The following NRG3 variants were observed in gnomAD, a reference collection of about 807,000 sequenced individuals.
NRG3 encodes pro-neuregulin-3, membrane-bound isoform.
In NRG3, 31 loss-of-function variants were observed where a neutral mutation model predicts 66.9. That is an observed-to-expected ratio of 0.46 (90% CI 0.35 to 0.63). NRG3 has a LOEUF of 0.63. Ranked by LOEUF, NRG3 falls within the 20% of genes least tolerant of loss-of-function variation. The pLI is 0.00. For missense variants in NRG3, 910 were observed against 878.9 expected (o/e 1.04, Z -0.45); for synonymous variants, 393 against 359.4 (o/e 1.09, Z -1.06).
At chr10:82,984,731 CA>C (rs1853277691) in intron 8 of NRG3, 1 of 1,543,930 alleles carries the variant, frequency 6.5e-7, no homozygotes, top group Non-Finnish European at 8.8e-7. Flanking sequence ...CTGTTTGTCA[CA>C]ATGGAAAGGC....
chr10:82,615,003 C>A (rs2048550054), intron 2 of NRG3, among the ~76,000 whole-genome samples: 1 of 151,976 alleles, frequency 6.6e-6, no homozygotes, highest in African/African-American at 2.4e-5. Context: ...CGGGTGGTAT[C>A]CATTGTTTGA....
In NRG3 at chr10:82,003,988, A is replaced by C. The variant is rs868720818; in HGVS notation, c.823+127825A>C. On this transcript the variant is annotated intron_variant, in intron 1 of 8. Coordinates refer to ENST00000372141, the MANE Select transcript of NRG3 (RefSeq NM_001010848.4). ...GGTGCTGTAAGGATACCTGACTGAA[A>C]ACACACACACACACACACACACACA... is the stretch of plus-strand genomic sequence containing the variant. Among the ~76,000 whole-genome samples the C allele has an allele frequency of 1.3e-3, 173 of 134,420 alleles. 1 individual carries two copies. Among genetic ancestry groups the C allele is most frequent in the African/African-American group, 4.5e-3 (159 of 35,486 alleles). The allele number at this position is 134,420 out of a possible 152,430, so 88.2% of individuals were successfully genotyped here.
At chr10:82,396,240 TC>T (rs974716795) in intron 2 of NRG3, among the ~76,000 whole-genome samples, 2 of 152,180 alleles carry the variant, frequency 1.3e-5, no homozygotes, top group African/African-American at 4.8e-5. Context: ...ACATTTTTTT[TC>T]ATCCTTCTTG....
In NRG3 at chr10:82,738,599, G is replaced by A. The variant is rs1367484590; in HGVS notation, c.976G>A (p.Val326Ile). 1.2e-6 allele frequency: 2 copies of A among 1,614,136 alleles called. No homozygotes were observed. The highest frequency in any genetic ancestry group is 1.1e-5 in the South Asian group (1 of 91,080). Residue 326 changes from valine to isoleucine, a missense_variant, in exon 3 of 9, where the codon GTC becomes ATC. Transcript: ENST00000372141. ...CAGGTGCAAAGAAGGCTACCAAGGA[G>A]TCCGTTGTGATCAATTTCTGCCGAA... ...HCRCKEGYQGVRCDQFLPKTD... is the reference protein window; with the variant it reads ...HCRCKEGYQGIRCDQFLPKTD...
intron 4 of NRG3, among the ~76,000 whole-genome samples, chr10:82,873,987 A>G (rs985106582): frequency 1.3e-5 from 2 of 151,992 alleles, no homozygotes; most frequent in Non-Finnish European, 2.9e-5. Flanking sequence ...TTATAAGATA[A>G]TCTTTGTATT....
At chr10:82,419,355 A>C (rs1204980486) in intron 2 of NRG3, among the ~76,000 whole-genome samples, 1 of 152,194 alleles carries the variant, frequency 6.6e-6, no homozygotes, top group South Asian at 2.1e-4. Context: ...TTTCAAATGC[A>C]AGGTCTTGCT....
chr10:82,489,524 A>G (rs975350303), intron 2 of NRG3, among the ~76,000 whole-genome samples: 4 of 152,170 alleles, frequency 2.6e-5, no homozygotes, highest in African/African-American at 4.8e-5. Context: ...GAGGGAAGCA[A>G]TAACCTAAGC....
intron 2 of NRG3, among the ~76,000 whole-genome samples, chr10:82,455,228 C>T (rs1354717008): frequency 5.3e-5 from 8 of 152,122 alleles, no homozygotes; most frequent in South Asian, 2.1e-4. Context: ...TTCTTAGTAA[C>T]GCATCATTAA....
chr10:82,593,349 C>T (rs2047089950), intron 2 of NRG3, among the ~76,000 whole-genome samples: 1 of 152,138 alleles, frequency 6.6e-6, no homozygotes, highest in South Asian at 2.1e-4. Context: ...GCAGTTAATA[C>T]CAACAAACAA....
intron 1 of NRG3, among the ~76,000 whole-genome samples, chr10:82,310,653 A>AT (rs530021189): frequency 9.3e-5 from 14 of 151,156 alleles, no homozygotes; most frequent in South Asian, 6.3e-4. Flanking sequence ...TCTTCCAATC[A>AT]TTTTTTTTTC....
At chr10:82,699,725 C>A (rs1445831504) in intron 2 of NRG3, among the ~76,000 whole-genome samples, 1 of 152,024 alleles carries the variant, frequency 6.6e-6, no homozygotes, top group Non-Finnish European at 1.5e-5. Flanking sequence ...TTTATATTTG[C>A]CTTCTCTCCC....
At chr10:82,024,232 C>G (rs1168471600) in intron 1 of NRG3, among the ~76,000 whole-genome samples, 1 of 151,650 alleles carries the variant, frequency 6.6e-6, no homozygotes, top group Non-Finnish European at 1.5e-5. Context: ...TGAATTGAGT[C>G]TTGTTTTCTT....
intron 3 of NRG3, chr10:82,843,185 C>T: frequency 2.3e-6 from 1 of 434,044 alleles, no homozygotes; most frequent in South Asian, 1.7e-5. Context: ...GAATGTTTGT[C>T]CCCTCCACAA....
chr10:82,394,054 A>G (rs1200004124), intron 2 of NRG3, among the ~76,000 whole-genome samples: 11 of 152,150 alleles, frequency 7.2e-5, no homozygotes, highest in Non-Finnish European at 1.0e-4. Flanking sequence ...GCTATTTAGT[A>G]TGCTTTGTCT....
intron 1 of NRG3, among the ~76,000 whole-genome samples, chr10:82,129,744 A>G (rs2068689626): frequency 6.6e-6 from 1 of 151,972 alleles, no homozygotes; most frequent in South Asian, 2.1e-4. Flanking sequence ...TATTTTTAGT[A>G]GAGACGGGAT....
chr10:81,935,964 G>C (rs74487526), intron 1 of NRG3, among the ~76,000 whole-genome samples: 2 of 151,230 alleles, frequency 1.3e-5, no homozygotes, highest in South Asian at 2.1e-4. Flanking sequence ...CAGCTCTCTG[G>C]GGGGAAGGAA....
chr10:81,876,537 A>G (rs1841673123), intron 1 of NRG3, among the ~76,000 whole-genome samples: 1 of 152,058 alleles, frequency 6.6e-6, no homozygotes, highest in Non-Finnish European at 1.5e-5. Context: ...GGAGGGAGAG[A>G]GGGCCTTCCC....
intron 3 of NRG3, among the ~76,000 whole-genome samples, chr10:82,790,707 T>A (rs2060551117): frequency 6.6e-6 from 1 of 152,030 alleles, no homozygotes; most frequent in East Asian, 1.9e-4. Flanking sequence ...CCATTATGCA[T>A]ATGTCAGTGT....
intron 2 of NRG3, among the ~76,000 whole-genome samples, chr10:82,663,241 A>G (rs1162912968): frequency 6.6e-6 from 1 of 152,238 alleles, no homozygotes; most frequent in Non-Finnish European, 1.5e-5. Flanking sequence ...AACATCTGTT[A>G]TGGCATGGAC....
Sources: allele counts gnomAD v4.1 joint callset (sites outside exome capture counted in the v4.1 genomes callset), GRCh38; gene constraint gnomAD v4.1.1; transcripts MANE v1.5; gene names NCBI Gene and HGNC (gene_info 2026-07-23, HGNC 2026-07-21).